The following DLG2 variants were observed in gnomAD, a reference collection of about 807,000 sequenced individuals.
DLG2 encodes disks large homolog 2.
In DLG2, 45 loss-of-function variants were observed where a neutral mutation model predicts 132.5. The ratio of observed to expected loss-of-function variants is 0.34; its 90% CI spans 0.27 to 0.44. The LOEUF is 0.44. Among genes scored for constraint, DLG2 ranks in the 20% least tolerant of loss-of-function variants. DLG2 has a pLI of 1.00. For missense variants in DLG2, 1,045 were observed against 1,196.9 expected (o/e 0.87, Z 1.87); for synonymous variants, 424 against 419.6 (o/e 1.01, Z -0.13).
intron 8 of DLG2, among the ~76,000 whole-genome samples, chr11:84,225,748 A>C (rs2096982380): frequency 6.6e-6 from 1 of 151,664 alleles, no homozygotes; most frequent in Non-Finnish European, 1.5e-5. Flanking sequence ...TAGAGAAGGT[A>C]CTCCAAAATA....
intron 7 of DLG2, among the ~76,000 whole-genome samples, chr11:84,436,592 A>G (rs1044688055): frequency 5.9e-5 from 9 of 152,228 alleles, no homozygotes; most frequent in Admixed American, 6.5e-5. Flanking sequence ...GATTCCCTAA[A>G]TATGACAGTT....
rs78713141 is a variant in DLG2, at chr11:85,431,920, C to T, written c.41-146555G>A. ...TGTACAGGAGTGTTCCTACTGGCAT[C>T]AGGTCGGTGCCCCTTTAAGTCAGGA... On this transcript the variant is annotated intron_variant, in intron 3 of 27. Coordinates refer to ENST00000376104, the MANE Select transcript of DLG2 (RefSeq NM_001142699.3). Among the ~76,000 whole-genome samples, 464 of 152,286 alleles carry T rather than the reference C, an allele frequency of 3.0e-3. 1 individual carries two copies. The highest frequency in any genetic ancestry group is 0.011 in the African/African-American group (447 of 41,562).
intron 5 of DLG2, among the ~76,000 whole-genome samples, chr11:85,143,505 T>C (rs994372830): frequency 6.6e-6 from 1 of 151,812 alleles, no homozygotes; most frequent in Non-Finnish European, 1.5e-5. Context: ...TTCTAGTTCC[T>C]TACAATGTAT....
intron 24 of DLG2, 61 bp downstream of exon 24, chr11:83,471,565 A>G (rs2092029129): frequency 3.3e-6 from 4 of 1,228,486 alleles, no homozygotes; most frequent in African/African-American, 3.0e-5. Context: ...ACATTTTACC[A>G]TCTCATAAAG....
At chr11:84,251,637 CTTTCTT>C (rs1242466084) in intron 7 of DLG2, among the ~76,000 whole-genome samples, 1 of 130,040 alleles carries the variant, frequency 7.7e-6, no homozygotes, top group Non-Finnish European at 1.6e-5. Flanking sequence ...TGTATCTTTT[CTTTCTT>C]TTTTTTTTTT....
chr11:85,229,257 A>G (rs1285540436), intron 4 of DLG2, among the ~76,000 whole-genome samples: 1 of 152,020 alleles, frequency 6.6e-6, no homozygotes, highest in Non-Finnish European at 1.5e-5. Flanking sequence ...ACAAAGGGCT[A>G]ATATCCAGAA....
intron 6 of DLG2, among the ~76,000 whole-genome samples, chr11:84,803,949 T>C (rs756863856): frequency 3.9e-5 from 6 of 152,196 alleles, no homozygotes; most frequent in Admixed American, 2.6e-4. Flanking sequence ...ATCACACAGG[T>C]ACAGAAAAGC....
chr11:84,992,112 C>G (rs927079175), intron 6 of DLG2, among the ~76,000 whole-genome samples: 18 of 152,150 alleles, frequency 1.2e-4, no homozygotes, highest in African/African-American at 3.9e-4. Context: ...TCCCTCCTAA[C>G]CATCACTTCA....
chr11:84,361,131 T>C (rs1439491446), intron 7 of DLG2, among the ~76,000 whole-genome samples: 1 of 151,856 alleles, frequency 6.6e-6, no homozygotes, highest in East Asian at 1.9e-4. Context: ...TGCTGAATGA[T>C]ACCAAGTACA....
chr11:83,475,292 T>A (rs2092500820), intron 22 of DLG2, among the ~76,000 whole-genome samples: 1 of 152,020 alleles, frequency 6.6e-6, no homozygotes, highest in Non-Finnish European at 1.5e-5. Context: ...GCCACTGTGA[T>A]GAAGGAGAGA....
intron 6 of DLG2, among the ~76,000 whole-genome samples, chr11:84,940,444 C>T (rs957345188): frequency 6.6e-6 from 1 of 152,170 alleles, no homozygotes; most frequent in Admixed American, 6.6e-5. Flanking sequence ...TGAGCCATGC[C>T]CAGCCATGAT....
intron 3 of DLG2, among the ~76,000 whole-genome samples, chr11:85,512,298 A>G (rs942156449): frequency 5.3e-5 from 8 of 152,246 alleles, no homozygotes; most frequent in Admixed American, 5.2e-4. Context: ...CCTTTAGCAA[A>G]GATGTAGATA....
At chr11:83,830,947 C>G (rs2054317543) in intron 17 of DLG2, among the ~76,000 whole-genome samples, 1 of 152,168 alleles carries the variant, frequency 6.6e-6, no homozygotes, top group South Asian at 2.1e-4. Context: ...CGCAAGTATA[C>G]AGAATGTAAG....
chr11:84,911,274 C>A (rs983677654), intron 6 of DLG2, among the ~76,000 whole-genome samples: 1 of 151,868 alleles, frequency 6.6e-6, no homozygotes, highest in South Asian at 2.1e-4. Flanking sequence ...AATTCAAAAG[C>A]CTACATGTTG....
chr11:85,480,218 G>A (rs780672801), intron 3 of DLG2, among the ~76,000 whole-genome samples: 12 of 152,238 alleles, frequency 7.9e-5, no homozygotes, highest in Non-Finnish European at 1.5e-4. Flanking sequence ...CCTGAAGATA[G>A]ACATTGTAAT....
At chr11:84,316,181 A>G (rs936812183) in intron 7 of DLG2, among the ~76,000 whole-genome samples, 2 of 152,326 alleles carry the variant, frequency 1.3e-5, no homozygotes, top group African/African-American at 4.8e-5. Flanking sequence ...TATAGAAGAA[A>G]GAGAGCTATA....
intron 6 of DLG2, among the ~76,000 whole-genome samples, chr11:84,688,269 C>T (rs1031626017): frequency 6.6e-6 from 1 of 152,116 alleles, no homozygotes; most frequent in African/African-American, 2.4e-5. Flanking sequence ...TGAACTTCAC[C>T]ATACAGCAGT....
chr11:85,132,124 T>C (rs1387715933), intron 5 of DLG2, among the ~76,000 whole-genome samples: 1 of 152,174 alleles, frequency 6.6e-6, no homozygotes, highest in Non-Finnish European at 1.5e-5. Context: ...AACAAATCCA[T>C]AAAACGATTG....
intron 6 of DLG2, among the ~76,000 whole-genome samples, chr11:84,586,198 G>GATTTATT (rs1455853048): frequency 6.8e-6 from 1 of 146,016 alleles, no homozygotes; most frequent in Non-Finnish European, 1.5e-5. Context: ...TGTGATGGTG[G>GATTTATT]ATTTATTACT....
Sources: allele counts gnomAD v4.1 joint callset (sites outside exome capture counted in the v4.1 genomes callset), GRCh38; gene constraint gnomAD v4.1.1; transcripts MANE v1.5; gene names NCBI Gene and HGNC (gene_info 2026-07-23, HGNC 2026-07-21).